The following POLN variants were observed in gnomAD, a reference collection of about 807,000 sequenced individuals.
The protein encoded by POLN is DNA polymerase nu, also known as DNA polymerase N.
A neutral mutation model predicts 113.5 loss-of-function variants in POLN; 108 were observed. The ratio of observed to expected loss-of-function variants is 0.95; its 90% CI spans 0.81 to 1.12. The LOEUF is 1.12. Ranked by LOEUF, POLN falls within the 50% of genes most tolerant of loss-of-function variation. POLN has a pLI of 0.00. For missense variants in POLN, 1,097 were observed against 1,077.1 expected, an observed-to-expected ratio of 1.02 and a Z score of -0.26; for synonymous variants, 386 against 391.5, an observed-to-expected ratio of 0.99 and a Z score of 0.17.
intron 19 of POLN, among the ~76,000 whole-genome samples, chr4:2,099,505 T>C (rs1730874001): frequency 6.6e-6 from 1 of 152,160 alleles, no homozygotes; most frequent in African/African-American, 2.4e-5. Flanking sequence ...ACCTGACCAG[T>C]CCTCCTCAAA....
chr4:2,233,351 T>C (rs1339035750), intron 2 of POLN, among the ~76,000 whole-genome samples: 2 of 152,166 alleles, frequency 1.3e-5, no homozygotes, highest in African/African-American at 4.8e-5. Flanking sequence ...CGGCATTTTA[T>C]ATCACATTGA....
At chr4:2,164,179 T>C (rs1489078514) in intron 13 of POLN, among the ~76,000 whole-genome samples, 2 of 152,178 alleles carry the variant, frequency 1.3e-5, no homozygotes, top group African/African-American at 2.4e-5. Context: ...AGCCTACTAA[T>C]GAGTATCCCC....
At chr4:2,090,160 T>G in intron 20 of POLN, 2 of 1,005,276 alleles carry the variant, frequency 2.0e-6, no homozygotes, top group South Asian at 1.6e-5. Flanking sequence ...AGCTGAAACT[T>G]CAGAAGAAGA....
intron 5 of POLN, among the ~76,000 whole-genome samples, chr4:2,204,970 C>G (rs969701788): frequency 1.3e-4 from 20 of 152,244 alleles, no homozygotes; most frequent in African/African-American, 4.8e-4. Flanking sequence ...ATTATAAACC[C>G]ACAGCCAACA....
intron 3 of POLN, among the ~76,000 whole-genome samples, 157 bp from the exon 4 acceptor site, chr4:2,213,283 C>T (rs1233165024): frequency 3.3e-5 from 5 of 152,104 alleles, no homozygotes; most frequent in Admixed American, 6.5e-5. Context: ...AAGTAAAATG[C>T]TTAGTACCAT....
At chr4:2,166,364 C>A (rs1323531512) in intron 13 of POLN, among the ~76,000 whole-genome samples, 1 of 152,206 alleles carries the variant, frequency 6.6e-6, no homozygotes, top group African/African-American at 2.4e-5. Context: ...AACTCCTTAG[C>A]GTTCTCTCTG....
chr4:2,176,809 C>T (rs960606420), intron 8 of POLN, among the ~76,000 whole-genome samples: 1 of 152,262 alleles, frequency 6.6e-6, no homozygotes, highest in Non-Finnish European at 1.5e-5. Flanking sequence ...TGGGAGATGA[C>T]AAACAAGGGT....
At chr4:2,208,640 G>A (rs751199416) in intron 4 of POLN, among the ~76,000 whole-genome samples, 153 bp from the exon 5 acceptor site, 2 of 152,132 alleles carry the variant, frequency 1.3e-5, no homozygotes, top group Non-Finnish European at 2.9e-5. Context: ...ACCCTATAGT[G>A]TCTTCTAGAG....
chr4:2,174,688 T>G lies in POLN; in HGVS notation c.1309+3A>C, dbSNP rs375336655. The G allele has an allele frequency of 3.1e-5, 49 of 1,605,150 alleles. No individual in the cohort carries two copies. The African/African-American group carries it at 6.2e-4, about 20-fold the overall frequency. On this transcript the variant is annotated splice_donor_region_variant and intron_variant, in intron 10 of 25. Coordinates refer to ENST00000511885, the MANE Select transcript of POLN (RefSeq NM_181808.4). ...GCTGTACTTCATCTTTATGGTAACT[T>G]ACCTGCCAAAATTGGTATCAGAGGA... is the stretch of plus-strand genomic sequence containing the variant.
chr4:2,202,440 A>G (rs1227100002), intron 5 of POLN, among the ~76,000 whole-genome samples: 2 of 152,184 alleles, frequency 1.3e-5, no homozygotes, highest in African/African-American at 2.4e-5. Flanking sequence ...GTTAAAAAAG[A>G]CAAAGAGGAG....
At chr4:2,087,086 C>T (rs1730568148) in intron 20 of POLN, among the ~76,000 whole-genome samples, 1 of 152,134 alleles carries the variant, frequency 6.6e-6, no homozygotes, top group South Asian at 2.1e-4. Context: ...GCTTTGTCAG[C>T]AAGAGTGGGA....
At chr4:2,239,794 G>T (rs1734904014) in intron 2 of POLN, among the ~76,000 whole-genome samples, 1 of 152,182 alleles carries the variant, frequency 6.6e-6, no homozygotes, top group Admixed American at 6.5e-5. Flanking sequence ...GCAAATTAAA[G>T]CACTTTTGTT....
intron 16 of POLN, among the ~76,000 whole-genome samples, chr4:2,141,695 G>A (rs1732005019): frequency 6.6e-6 from 1 of 152,210 alleles, no homozygotes; most frequent in African/African-American, 2.4e-5. Flanking sequence ...CCATCTCACA[G>A]CTCTCCTCCA....
Position 2,163,685 on chromosome 4 carries a change from C to A in POLN, c.1555-4474G>T, listed in dbSNP as rs536270236. ...CTTCAAAAGCAGGCCCATGACTAGG[C>A]TCCCCCGCCCAATTCTGACTCGTGG... is the stretch of plus-strand genomic sequence containing the variant. On this transcript the variant is annotated intron_variant, in intron 13 of 25. Transcript: ENST00000511885. Among the ~76,000 whole-genome samples, 33 of 152,378 alleles carry A rather than the reference C, an allele frequency of 2.2e-4. No homozygotes were observed. In the South Asian group the frequency reaches 6.4e-3, roughly 30 times the overall value.
chr4:2,082,147 G>A (rs1432597792), intron 21 of POLN, among the ~76,000 whole-genome samples: 1 of 151,926 alleles, frequency 6.6e-6, no homozygotes, highest in Non-Finnish European at 1.5e-5. Flanking sequence ...GTAGAGATGG[G>A]GTTCCACCAA....
chr4:2,133,790 A>G (rs1270678422), intron 16 of POLN, among the ~76,000 whole-genome samples: 1 of 152,110 alleles, frequency 6.6e-6, no homozygotes, highest in African/African-American at 2.4e-5. Flanking sequence ...ACACAAATTT[A>G]ATATAATTAG....
At chr4:2,115,766 C>T (rs1029221405) in intron 19 of POLN, among the ~76,000 whole-genome samples, 15 of 152,206 alleles carry the variant, frequency 9.9e-5, no homozygotes, top group African/African-American at 3.6e-4. Flanking sequence ...TGACCCGTAA[C>T]TGGGCTGGGT....
At chr4:2,238,118 A>T (rs6831422) in intron 2 of POLN, among the ~76,000 whole-genome samples, 12,665 of 152,220 alleles carry the variant, frequency 0.083, 792 homozygotes, top group African/African-American at 0.17. Context: ...AATTTTCAGT[A>T]TCCCTCTGCC....
chr4:2,202,476 C>A (rs1421978469), intron 5 of POLN, among the ~76,000 whole-genome samples: 1 of 152,166 alleles, frequency 6.6e-6, no homozygotes, highest in Non-Finnish European at 1.5e-5. Flanking sequence ...GTAATCCCAG[C>A]ACTTTGGGAG....
Sources: allele counts gnomAD v4.1 joint callset (sites outside exome capture counted in the v4.1 genomes callset), GRCh38; gene constraint gnomAD v4.1.1; transcripts MANE v1.5; gene names NCBI Gene and HGNC (gene_info 2026-07-23, HGNC 2026-07-21).